XIRP2: variants seen among roughly 807,000 people sequenced by gnomAD.
XIRP2 encodes xin actin binding repeat containing 2.
A neutral mutation model predicts 277.0 loss-of-function variants in XIRP2; 236 were observed. The observed-to-expected ratio is 0.85, with a 90% CI of 0.77 to 0.95. The LOEUF (loss-of-function observed/expected upper bound fraction) is 0.95. Among genes scored for constraint, XIRP2 ranks in the 40% least tolerant of loss-of-function variants. The pLI is 0.00. For missense variants in XIRP2, 4,640 were observed against 4,157.5 expected (o/e 1.12, Z -3.19); for synonymous variants, 1,490 against 1,416.5 (o/e 1.05, Z -1.17).
chr2:167,009,634 C>G (rs1161367685), intron 2 of XIRP2, among the ~76,000 whole-genome samples: 1 of 151,894 alleles, frequency 6.6e-6, no homozygotes, highest in African/African-American at 2.4e-5. Flanking sequence ...CCTGAGGAAT[C>G]GCCACACTGA....
At chr2:167,107,281 C>T (rs973460917) in intron 2 of XIRP2, among the ~76,000 whole-genome samples, 8 of 151,666 alleles carry the variant, frequency 5.3e-5, no homozygotes, top group African/African-American at 1.9e-4. Context: ...TTGCTTTGTT[C>T]ACAATCTTAA....
At chr2:166,898,866 T>C (rs1197200563) in intron 1 of XIRP2, among the ~76,000 whole-genome samples, 1 of 152,158 alleles carries the variant, frequency 6.6e-6, no homozygotes, top group Non-Finnish European at 1.5e-5. Context: ...ATTGAAACGG[T>C]ACTTTTATCG....
chr2:167,201,233 A>G (rs911199050), intron 3 of XIRP2, among the ~76,000 whole-genome samples: 4 of 109,366 alleles, frequency 3.7e-5, no homozygotes, highest in Admixed American at 2.6e-4. Context: ...AAAGAAAGAA[A>G]GAAAGAAAGA....
chr2:167,214,327 G>GGAAGGAAGGAAGGAAGGA (rs1559024244), intron 4 of XIRP2, among the ~76,000 whole-genome samples: 2 of 150,052 alleles, frequency 1.3e-5, no homozygotes, highest in African/African-American at 4.9e-5. Context: ...AAGGAAGGAA[G>GGAAGGAAGGAAGGAAGGA]ATAGCCAAGC....
intron 2 of XIRP2, among the ~76,000 whole-genome samples, chr2:167,072,513 C>A (rs550615710): frequency 6.6e-6 from 1 of 152,280 alleles, no homozygotes; most frequent in Admixed American, 6.5e-5. Context: ...GCAATGATTA[C>A]ACTTCCCTTA....
intron 3 of XIRP2, among the ~76,000 whole-genome samples, chr2:167,187,006 C>T (rs895252172): frequency 6.6e-6 from 1 of 152,122 alleles, no homozygotes; most frequent in African/African-American, 2.4e-5. Context: ...ACTTTTTCCA[C>T]CTGCTTTATT....
At chr2:166,966,931 T>C (rs1281202908) in intron 2 of XIRP2, among the ~76,000 whole-genome samples, 1 of 151,992 alleles carries the variant, frequency 6.6e-6, no homozygotes, top group African/African-American at 2.4e-5. Context: ...AATTTCAGGC[T>C]CATTTAAGAT....
chr2:167,081,498 G>A (rs1287311257), intron 2 of XIRP2, among the ~76,000 whole-genome samples: 1 of 151,924 alleles, frequency 6.6e-6, no homozygotes, highest in Non-Finnish European at 1.5e-5. Flanking sequence ...AATAGAAAAG[G>A]AATACATATT....
intron 1 of XIRP2, among the ~76,000 whole-genome samples, chr2:166,891,502 T>C (rs1009248099): frequency 2.6e-5 from 4 of 152,186 alleles, no homozygotes; most frequent in African/African-American, 9.7e-5. Context: ...TTTAGTTAAG[T>C]TTTTTCCTTA....
intron 2 of XIRP2, among the ~76,000 whole-genome samples, chr2:167,090,284 C>A (rs1352042693): frequency 6.6e-6 from 1 of 151,988 alleles, no homozygotes; most frequent in Non-Finnish European, 1.5e-5. Flanking sequence ...CCATATACCC[C>A]ACTCACAACT....
At chr2:167,217,453 T>TTC (rs1694289804) in intron 4 of XIRP2, among the ~76,000 whole-genome samples, 1 of 152,078 alleles carries the variant, frequency 6.6e-6, no homozygotes, top group African/African-American at 2.4e-5. Flanking sequence ...TGCCTGTTCT[T>TTC]TGAGGACAGT....
At chr2:166,996,623 T>C (rs1345198140) in intron 2 of XIRP2, among the ~76,000 whole-genome samples, 2 of 152,114 alleles carry the variant, frequency 1.3e-5, no homozygotes, top group African/African-American at 4.8e-5. Flanking sequence ...CAAGACTTTT[T>C]CCCAAAAAAT....
At chr2:167,124,398 C>A (rs1691141326) in intron 2 of XIRP2, 1 of 152,098 alleles carries the variant, frequency 6.6e-6, no homozygotes, top group Non-Finnish European at 1.5e-5. Context: ...TTCTTTATGT[C>A]TTTCACTCTA....
intron 2 of XIRP2, among the ~76,000 whole-genome samples, chr2:166,966,988 G>C (rs991331711): frequency 1.3e-5 from 2 of 151,888 alleles, no homozygotes; most frequent in Non-Finnish European, 2.9e-5. Flanking sequence ...CAGGAGATTT[G>C]TAGGCACCCC....
intron 2 of XIRP2, among the ~76,000 whole-genome samples, chr2:167,092,575 T>C (rs538801549): frequency 1.3e-5 from 2 of 152,134 alleles, no homozygotes; most frequent in Non-Finnish European, 2.9e-5. Context: ...GTTTCAATGT[T>C]GAAAATAAAA....
At chr2:167,049,506 C>G (rs1166875189) in intron 2 of XIRP2, among the ~76,000 whole-genome samples, 1 of 149,698 alleles carries the variant, frequency 6.7e-6, no homozygotes, top group Non-Finnish European at 1.5e-5. Context: ...GAGACCTTCT[C>G]CAGAAAAAAA....
intron 2 of XIRP2, among the ~76,000 whole-genome samples, chr2:166,913,310 A>AG (rs1684764808): frequency 8.7e-6 from 1 of 114,942 alleles, no homozygotes; most frequent in Non-Finnish European, 1.9e-5. Context: ...AATGGTGGGC[A>AG]CCCCCCCCCC....
intron 2 of XIRP2, among the ~76,000 whole-genome samples, chr2:167,095,561 A>C (rs137895217): frequency 6.6e-6 from 1 of 152,072 alleles, no homozygotes; most frequent in East Asian, 1.9e-4. Context: ...TTCTGCATCT[A>C]TTGAGATAAT....
intron 2 of XIRP2, among the ~76,000 whole-genome samples, chr2:166,996,900 C>T (rs999021153): frequency 6.6e-6 from 1 of 152,098 alleles, no homozygotes; most frequent in African/African-American, 2.4e-5. Context: ...CTCTCATTCC[C>T]AAAAGACTGA....
Sources: allele counts gnomAD v4.1 joint callset (sites outside exome capture counted in the v4.1 genomes callset), GRCh38; gene constraint gnomAD v4.1.1; transcripts MANE v1.5; gene names NCBI Gene and HGNC (gene_info 2026-07-23, HGNC 2026-07-21).